Variants in TEX9 observed in about 807,000 individuals in gnomAD.
The protein encoded by TEX9 is testis-expressed protein 9.
Under a neutral mutation model 59.6 loss-of-function variants are expected in TEX9, and 74 were observed. The ratio of observed to expected loss-of-function variants is 1.24; its 90% CI spans 1.03 to 1.51. The LOEUF is 1.51. Ranked by LOEUF, TEX9 falls within the 40% of genes most tolerant of loss-of-function variation. The pLI, the probability that TEX9 is intolerant of heterozygous loss-of-function variation, is 0.00. For missense variants in TEX9, 522 were observed against 447.8 expected, an observed-to-expected ratio of 1.17 and a Z score of -1.49; for synonymous variants, 186 against 152.2, an observed-to-expected ratio of 1.22 and a Z score of -1.64.
intron 1 of TEX9, among the ~76,000 whole-genome samples, chr15:56,315,549 G>T (rs2045734961): frequency 6.7e-6 from 1 of 150,228 alleles, no homozygotes; most frequent in African/African-American, 2.4e-5. Context: ...TCCCTTTGAG[G>T]GTAACCCGAC....
chr15:56,386,853 A>G (rs1364831608), intron 4 of TEX9, among the ~76,000 whole-genome samples: 4 of 151,914 alleles, frequency 2.6e-5, no homozygotes, highest in Non-Finnish European at 5.9e-5. Context: ...GGCTTTTACC[A>G]TGTAAAACAT....
intron 1 of TEX9, among the ~76,000 whole-genome samples, chr15:56,252,457 C>G (rs1177017573): frequency 7.5e-6 from 1 of 132,476 alleles, no homozygotes; most frequent in Non-Finnish European, 1.6e-5. Flanking sequence ...TAAGAAAGCT[C>G]AATATCTTAT....
At chr15:56,295,781 C>T (rs77445151) in intron 1 of TEX9, among the ~76,000 whole-genome samples, 286 of 152,254 alleles carry the variant, frequency 1.9e-3, no homozygotes, top group Admixed American at 4.8e-3. Context: ...GCCATTTGAC[C>T]GGATTTTTCC....
At chr15:56,301,507 A>G (rs747872051) in intron 1 of TEX9, among the ~76,000 whole-genome samples, 4 of 152,132 alleles carry the variant, frequency 2.6e-5, no homozygotes, top group Non-Finnish European at 5.9e-5. Flanking sequence ...CAAACTCGCA[A>G]TGGTCAAGGA....
chr15:56,248,555 C>G (rs2043922998), intron 1 of TEX9, among the ~76,000 whole-genome samples: 1 of 152,184 alleles, frequency 6.6e-6, no homozygotes. Context: ...GAAACAAATG[C>G]TAGATCCCGC....
At chr15:56,331,792 A>G (rs1254280885) in intron 1 of TEX9, among the ~76,000 whole-genome samples, 3 of 151,822 alleles carry the variant, frequency 2.0e-5, no homozygotes, top group Non-Finnish European at 1.5e-5. Flanking sequence ...AAACAACCCC[A>G]TCAAAAAGTG....
intron 2 of TEX9, among the ~76,000 whole-genome samples, chr15:56,373,086 A>C (rs2047263883): frequency 6.6e-6 from 1 of 152,154 alleles, no homozygotes; most frequent in Non-Finnish European, 1.5e-5. Flanking sequence ...TGGAGAAGCA[A>C]GGTTAGAATT....
intron 1 of TEX9, chr15:56,274,693 G>C (rs537940027): frequency 2.2e-4 from 33 of 151,868 alleles, no homozygotes; most frequent in African/African-American, 8.0e-4. Flanking sequence ...ATTCAGGTAA[G>C]TAGTATTTAT....
intron 1 of TEX9, among the ~76,000 whole-genome samples, chr15:56,300,046 G>T (rs1286552748): frequency 2.6e-5 from 4 of 152,046 alleles, no homozygotes; most frequent in Non-Finnish European, 4.4e-5. Context: ...CAACAGCGAG[G>T]TACAGCACCA....
At chr15:56,445,716 A>G (rs2050895149) in exon 13 of TEX9, 1 of 152,096 alleles carries the variant, frequency 6.6e-6, no homozygotes, top group Non-Finnish European at 1.5e-5. Flanking sequence ...TAGTACTTGC[A>G]TGACACCTAG....
chr15:56,276,121 T>C (rs980951672), intron 1 of TEX9, among the ~76,000 whole-genome samples: 3 of 152,138 alleles, frequency 2.0e-5, no homozygotes, highest in Non-Finnish European at 2.9e-5. Flanking sequence ...TGGTCTCCTT[T>C]GTATTTTTCT....
At chr15:56,438,849 T>G (rs1450173900) in intron 12 of TEX9, among the ~76,000 whole-genome samples, 2 of 152,266 alleles carry the variant, frequency 1.3e-5, no homozygotes, top group South Asian at 2.1e-4. Flanking sequence ...TAGACACTTC[T>G]CAAAAGAAGA....
In TEX9 at chr15:56,325,040, A is replaced by G. The variant is rs1240991347; in HGVS notation, c.-106-48401A>G. Among the ~76,000 whole-genome samples, 5 of 152,328 alleles carry G rather than the reference A, an allele frequency of 3.3e-5. No individual in the cohort carries two copies. In the East Asian group the frequency reaches 9.6e-4, roughly 29 times the overall value. On this transcript the variant is annotated intron_variant, in intron 1 of 5. Coordinates refer to the TEX9 transcript ENST00000560827. ...TAGAGCCTAATAATCAGAAATAATC[A>G]AACAGGTTTAAGTCAGTTTGGCAAT...
chr15:56,395,094 T>C, intron 9 of TEX9: 1 of 481,448 alleles, frequency 2.1e-6, no homozygotes, highest in Non-Finnish European at 3.6e-6. Context: ...CCCTAAAAGA[T>C]ACTTCATACC....
chr15:56,424,254 G>A (rs999937575), intron 10 of TEX9, among the ~76,000 whole-genome samples: 4 of 152,058 alleles, frequency 2.6e-5, no homozygotes, highest in African/African-American at 7.2e-5. Context: ...TTCTTGGTAT[G>A]TTTTAACAGT....
intron 10 of TEX9, among the ~76,000 whole-genome samples, chr15:56,420,457 G>A (rs1243983090): frequency 6.6e-6 from 1 of 151,436 alleles, no homozygotes; most frequent in African/African-American, 2.4e-5. Context: ...ACAGGCCCCC[G>A]CCACCATGCT....
At chr15:56,438,751 C>G (rs35570374) in intron 12 of TEX9, among the ~76,000 whole-genome samples, 2 of 151,860 alleles carry the variant, frequency 1.3e-5, no homozygotes, top group African/African-American at 4.8e-5. Flanking sequence ...CCCATCTGAC[C>G]AAGGGGTAAT....
At chr15:56,351,858 GTTCTCTACAAAATGCTTTATTTTGGT>G (rs1236898226) in intron 1 of TEX9, among the ~76,000 whole-genome samples, 7 of 152,086 alleles carry the variant, frequency 4.6e-5, no homozygotes, top group South Asian at 2.1e-4. Flanking sequence ...ATCAAGTTGA[GTTCTCTACAAAATGCTTTATTTTGGT>G]TTCTCTACAA....
chr15:56,347,105 A>G (rs1225865661), intron 1 of TEX9, among the ~76,000 whole-genome samples: 1 of 152,204 alleles, frequency 6.6e-6, no homozygotes, highest in Non-Finnish European at 1.5e-5. Flanking sequence ...ATGGAAAGTC[A>G]TATTGTGTTC....
Sources: gnomAD v4.1 joint callset for allele counts (sites outside exome capture counted in the v4.1 genomes callset) on GRCh38, gnomAD v4.1.1 for gene constraint, MANE v1.5 for transcripts, NCBI Gene and HGNC (gene_info 2026-07-23, HGNC 2026-07-21) for gene names.